Variants in HMCN1 observed in about 807,000 individuals in gnomAD.
The protein encoded by HMCN1 is hemicentin 1, also known as hemicentin-1.
In HMCN1, 321 loss-of-function variants were observed where a neutral mutation model predicts 625.9. The observed-to-expected ratio is 0.51, with a 90% CI of 0.47 to 0.56. The LOEUF is 0.56. Among genes scored for constraint, HMCN1 ranks in the 20% least tolerant of loss-of-function variants. The probability of loss-of-function intolerance (pLI) is 0.00; values close to 1 mark genes in which losing one functional copy is unlikely to be tolerated. For missense variants in HMCN1, 6,588 were observed against 6,887.3 expected (o/e 0.96, Z 1.54); for synonymous variants, 2,425 against 2,417.6 (o/e 1.00, Z -0.09).
At chr1:185,977,354 G>T (rs1346982606) in intron 15 of HMCN1, among the ~76,000 whole-genome samples, 2 of 151,982 alleles carry the variant, frequency 1.3e-5, no homozygotes, top group Non-Finnish European at 2.9e-5. Context: ...AATGAACTCT[G>T]GTATAAATTA....
At chr1:186,065,203 A>T in intron 48 of HMCN1, 35 bp from the exon 49 acceptor site, 1 of 1,560,700 alleles carries the variant, frequency 6.4e-7, no homozygotes, top group Non-Finnish European at 8.8e-7. Context: ...TATACATGTA[A>T]TTATTAGCTG....
intron 48 of HMCN1, among the ~76,000 whole-genome samples, chr1:186,063,993 G>A (rs1049153214): frequency 3.6e-4 from 55 of 152,174 alleles, no homozygotes; most frequent in South Asian, 2.7e-3. Flanking sequence ...GATTCAATGA[G>A]TTTCTTATTT....
chr1:186,106,961 G>A lies in HMCN1; in HGVS notation c.10848G>A (p.Val3616=). Residue 3616 remains valine, a synonymous_variant, in exon 70 of 107, where the codon GTG becomes GTA. Transcript: ENST00000271588. ...ATGATAAGGAATATCTAGTGAGAGT[G>A]CATGGTAAATTTGACAAAATATCCT... ...GDDDKEYLVR[V]HVPPNIAGTD... is the part of the protein sequence containing the mutation. 1 of 1,603,870 alleles carries A rather than the reference G, an allele frequency of 6.2e-7. No individual in the cohort carries two copies. Among genetic ancestry groups the A allele is most frequent in the Non-Finnish European group, 8.5e-7 (1 of 1,170,666 alleles).
intron 1 of HMCN1, among the ~76,000 whole-genome samples, chr1:185,841,034 AT>A (rs1661444595): frequency 6.6e-6 from 1 of 152,170 alleles, no homozygotes; most frequent in Admixed American, 6.6e-5. Flanking sequence ...GAGAGGCTGG[AT>A]ATTGATCTTG....
At chr1:186,131,221 G>A (rs1661914794) in intron 85 of HMCN1, among the ~76,000 whole-genome samples, 1 of 152,108 alleles carries the variant, frequency 6.6e-6, no homozygotes, top group Admixed American at 6.6e-5. Context: ...CATTGTTTAA[G>A]TAATTGAAAT....
At chr1:186,065,540 A>G in intron 49 of HMCN1, 111 bp downstream of exon 49, 1 of 712,184 alleles carries the variant, frequency 1.4e-6, no homozygotes, top group Non-Finnish European at 2.2e-6. Context: ...TCATCATGTA[A>G]GGAGGACCAG....
chr1:185,764,568 T>G (rs567234958), intron 1 of HMCN1, among the ~76,000 whole-genome samples: 3 of 152,170 alleles, frequency 2.0e-5, no homozygotes, highest in Non-Finnish European at 4.4e-5. Context: ...TCATGCTTTC[T>G]GACTTATGGA....
At chr1:186,131,014 G>A (rs1661906896) in intron 85 of HMCN1, among the ~76,000 whole-genome samples, 1 of 152,118 alleles carries the variant, frequency 6.6e-6, no homozygotes, top group Admixed American at 6.6e-5. Context: ...AAATTATAGA[G>A]TAGATTTCAT....
chr1:186,069,981 G>T (rs955338932), intron 51 of HMCN1, among the ~76,000 whole-genome samples: 8 of 152,168 alleles, frequency 5.3e-5, no homozygotes, highest in Non-Finnish European at 1.5e-5. Context: ...TACTAAATCT[G>T]CTCATTACTC....
At chr1:186,069,017 GAGGTTTCAGTTCCATC>G (rs1658317375) in intron 50 of HMCN1, among the ~76,000 whole-genome samples, 1 of 152,146 alleles carries the variant, frequency 6.6e-6, no homozygotes, top group Non-Finnish European at 1.5e-5. Flanking sequence ...TGAGTTAGGA[GAGGTTTCAGTTCCATC>G]AGGGTAACCT....
chr1:185,787,909 A>G (rs1313933624), intron 1 of HMCN1, among the ~76,000 whole-genome samples: 1 of 152,212 alleles, frequency 6.6e-6, no homozygotes, highest in African/African-American at 2.4e-5. Context: ...GGTGATAGCT[A>G]TAATTGAGGC....
rs762686473 is a variant in HMCN1 at position 186,088,645 on chromosome 1, G to T, written c.9617G>T (p.Gly3206Val). The T allele has an allele frequency of 1.2e-6, 2 of 1,611,916 alleles. No homozygotes were observed. The highest frequency in any genetic ancestry group is 2.2e-5 in the South Asian group (2 of 90,984). Residue 3206 changes from glycine (G) to valine (V), a missense_variant, in exon 63 of 107, where the codon GGT becomes GTT. Gly to Val is a moderately radical substitution (Grantham distance 109). This residue lies in a region of HMCN1 where 4,628 missense variants were observed against 4,853.1 expected (regional missense o/e 0.95). Transcript: ENST00000271588. ...CTGGAAGTTCGTATTTTGTCTGGAGGTAGCAAACTCCAGATTGCCCGGTCT... is the reference window on the plus strand; with the variant it reads ...CTGGAAGTTCGTATTTTGTCTGGAGTTAGCAAACTCCAGATTGCCCGGTCT... The part of the protein sequence containing the change: ...DSLEVRILSG[G>V]SKLQIARSQH...
intron 24 of HMCN1, among the ~76,000 whole-genome samples, chr1:185,996,917 A>G (rs1021630581): frequency 6.6e-6 from 1 of 152,142 alleles, no homozygotes; most frequent in Non-Finnish European, 1.5e-5. Context: ...AGATAAGTCA[A>G]TGATGAGATT....
chr1:185,748,580 CAG>C (rs1464639880), intron 1 of HMCN1, among the ~76,000 whole-genome samples: 1 of 152,028 alleles, frequency 6.6e-6, no homozygotes, highest in Non-Finnish European at 1.5e-5. Flanking sequence ...TGAAAATTAA[CAG>C]GGGATTTGAT....
chr1:185,935,625 G>A (rs1438213750), intron 11 of HMCN1, among the ~76,000 whole-genome samples: 1 of 152,034 alleles, frequency 6.6e-6, no homozygotes, highest in African/African-American at 2.4e-5. Context: ...ATTATTACTG[G>A]GTAATCTGTA....
At chr1:185,803,906 A>G (rs1658994410) in intron 1 of HMCN1, among the ~76,000 whole-genome samples, 1 of 152,074 alleles carries the variant, frequency 6.6e-6, no homozygotes, top group Non-Finnish European at 1.5e-5. Flanking sequence ...CTTTTTGGCT[A>G]TCATTCAATT....
chr1:185,741,115 A>T (rs1022236354), intron 1 of HMCN1, among the ~76,000 whole-genome samples: 1 of 152,146 alleles, frequency 6.6e-6, no homozygotes, highest in African/African-American at 2.4e-5. Context: ...CCTCCCTTCC[A>T]TCATCCACTG....
chr1:185,860,771 G>A (rs927231809), intron 2 of HMCN1, among the ~76,000 whole-genome samples: 1 of 152,116 alleles, frequency 6.6e-6, no homozygotes, highest in African/African-American at 2.4e-5. Context: ...TGGGGTTTTA[G>A]TTGTGTCAGC....
intron 1 of HMCN1, among the ~76,000 whole-genome samples, chr1:185,736,783 TA>T (rs1653606302): frequency 6.6e-6 from 1 of 152,210 alleles, no homozygotes. Context: ...AATCATGATT[TA>T]AAGTTGGGGA....
Sources: gnomAD v4.1 joint callset for allele counts (sites outside exome capture counted in the v4.1 genomes callset) on GRCh38, gnomAD v4.1.1 for gene constraint, gnomAD v4.1.1 regional missense constraint, MANE v1.5 for transcripts, NCBI Gene and HGNC (gene_info 2026-07-23, HGNC 2026-07-21) for gene names.